Variants in GYS2 observed in about 807,000 individuals in gnomAD.
GYS2 encodes glycogen synthase 2, also known as glycogen [starch] synthase, liver.
In GYS2, 80 loss-of-function variants were observed where a neutral mutation model predicts 85.6. That is an observed-to-expected ratio of 0.93 (90% confidence interval 0.78 to 1.13). The LOEUF (loss-of-function observed/expected upper bound fraction) is 1.13. Ranked by LOEUF, GYS2 falls within the 50% of genes most tolerant of loss-of-function variation. The probability of loss-of-function intolerance (pLI) is 0.00; values close to 1 mark genes in which losing one functional copy is unlikely to be tolerated. For synonymous variants in GYS2, 328 were observed against 300.7 expected (o/e 1.09, Z -0.94); for missense variants, 881 against 854.9 (o/e 1.03, Z -0.38).
rs200876060 is a variant in GYS2 at position 21,580,351 on chromosome 12, A to G, written c.294T>C (p.His98=). 8.2e-5 allele frequency: 132 copies of G among 1,613,412 alleles called. No homozygotes were observed. The highest frequency in any genetic ancestry group is 1.1e-4 in the Non-Finnish European group (125 of 1,179,668). Residue 98 remains histidine (H), a synonymous_variant, in exon 2 of 16, where the codon CAT becomes CAC. Transcript: ENST00000261195. Reference sequence around the variant, plus strand: ...GTGTCAGTTCCTTTACCTGGCAGCCATGCTTATTCATTGCGTCCACTGCTC... The same window carrying G: ...GTGTCAGTTCCTTTACCTGGCAGCCGTGCTTATTCATTGCGTCCACTGCTC... ...VRRAVDAMNK[H]GCQVHFGRWL...
At chr12:21,564,303 C>T (rs1054400666) in intron 5 of GYS2, among the ~76,000 whole-genome samples, 8 of 152,002 alleles carry the variant, frequency 5.3e-5, no homozygotes, top group African/African-American at 1.2e-4. Context: ...TGGTGGTGTG[C>T]GCCTGTAGTC....
intron 2 of GYS2, among the ~76,000 whole-genome samples, chr12:21,577,081 G>A (rs1944454845): frequency 6.6e-6 from 1 of 152,124 alleles, no homozygotes; most frequent in Admixed American, 6.6e-5. Flanking sequence ...CATGTGTGGG[G>A]ATGCTTCTCA....
In GYS2 at chr12:21,597,853, A is replaced by G. The variant is rs55812724; in HGVS notation, c.121+6619T>C. On this transcript the variant is annotated intron_variant, in intron 1 of 15. Coordinates refer to ENST00000261195, the MANE Select transcript of GYS2 (RefSeq NM_021957.4). The stretch of plus-strand genomic sequence containing the variant: ...ATGTGGTGTATACACACAATTGAAT[A>G]TTATTCAACCATACAAATATAAAAT... 2.4e-3 allele frequency among the ~76,000 whole-genome samples: 365 copies of G among 152,298 alleles called. 3 individuals carry two copies. The highest frequency in any genetic ancestry group is 8.3e-3 in the African/African-American group (347 of 41,572).
rs1363490595 is a variant in GYS2 at position 21,580,355 on chromosome 12, T to A, written c.290A>T (p.Lys97Met). 2 of 1,613,528 alleles carry A rather than the reference T, an allele frequency of 1.2e-6. No homozygotes were observed. Among genetic ancestry groups the A allele is most frequent in the Non-Finnish European group, 1.7e-6 (2 of 1,179,710 alleles). The change falls in exon 2 of 16, where the codon AAG becomes ATG. Residue 97 changes from lysine to methionine, a missense_variant. By Grantham distance (95) the Lys-to-Met change is moderately conservative. Coordinates refer to ENST00000261195, the MANE Select transcript of GYS2 (RefSeq NM_021957.4). Reference protein sequence around the residue: ...AVRRAVDAMNKHGCQVHFGRW... With the variant: ...AVRRAVDAMNMHGCQVHFGRW... ...CAGTTCCTTTACCTGGCAGCCATGCTTATTCATTGCGTCCACTGCTCTTCT... is the reference window on the plus strand; with the variant it reads ...CAGTTCCTTTACCTGGCAGCCATGCATATTCATTGCGTCCACTGCTCTTCT...
chr12:21,542,438 G>A (rs1943989020), intron 13 of GYS2, 58 bp downstream of exon 13: 1 of 989,866 alleles, frequency 1.0e-6, no homozygotes, highest in Admixed American at 1.7e-5. Context: ...AAGACCCTGT[G>A]CTTTGTTTGG....
At position 21,563,055 on chromosome 12, in the gene GYS2, C is replaced by A; in HGVS notation, c.942-17G>T. The stretch of plus-strand genomic sequence containing the variant: ...TCGAGATGACTAAAACAAAACAAAA[C>A]CAAACAGTTTCAAATGAAATACAGC... On this transcript the variant is annotated splice_polypyrimidine_tract_variant and intron_variant, in intron 6 of 15. Coordinates refer to ENST00000261195, the MANE Select transcript of GYS2 (RefSeq NM_021957.4). The A allele has an allele frequency of 6.3e-7, 1 of 1,585,904 alleles. No homozygotes were observed. The highest frequency in any genetic ancestry group is 8.7e-7 in the Non-Finnish European group (1 of 1,154,924).
Position 21,537,342 on chromosome 12 carries a change from G to C in GYS2, c.1891-167C>G, listed in dbSNP as rs1225567918. 4.6e-6 allele frequency: 3 copies of C among 654,230 alleles called. No homozygotes were observed. In the African/African-American group the frequency reaches 5.4e-5, roughly 12 times the overall value. The allele number at this position is 654,230 out of a possible 1,614,324, so 40.5% of individuals were successfully genotyped here. A position where few individuals can be genotyped will look rare whatever the true frequency, so the allele number is the denominator to read the frequency against. ...GATTTTGATACCACCAATCTCAAGA[G>C]GGATTCATTCAATATATAGCTATTC... is the stretch of plus-strand genomic sequence containing the variant. On this transcript the variant is annotated intron_variant, in intron 15 of 15. Transcript: ENST00000261195.
rs1299389318 is a variant in GYS2 at position 21,536,917 on chromosome 12, T to C, written c.*37A>G. ...TTTTAAATAATTAGTCTTACTTTGC[T>C]TTTTTAAATTAGCTCTTCATGCAGC... On this transcript the variant is annotated 3_prime_UTR_variant, in exon 16 of 16. Coordinates refer to ENST00000261195, the MANE Select transcript of GYS2 (RefSeq NM_021957.4). 2 of 1,443,122 alleles carry C rather than the reference T, an allele frequency of 1.4e-6. No homozygotes were observed. Among genetic ancestry groups the C allele is most frequent in the Non-Finnish European group, 2.0e-6 (2 of 1,025,266 alleles). 89.4% of individuals were successfully genotyped at this position (1,443,122 alleles called of 1,614,324 possible). A position where few individuals can be genotyped will look rare whatever the true frequency, so the allele number is the denominator to read the frequency against.
At chr12:21,580,720 C>A (rs1944499410) in intron 1 of GYS2, among the ~76,000 whole-genome samples, 197 bp from the exon 2 acceptor site, 1 of 152,184 alleles carries the variant, frequency 6.6e-6, no homozygotes, top group Non-Finnish European at 1.5e-5. Flanking sequence ...TTGTTCAATT[C>A]TGTGCATGTT....
chr12:21,577,569 G>A (rs1056956198), intron 2 of GYS2, among the ~76,000 whole-genome samples: 1 of 152,134 alleles, frequency 6.6e-6, no homozygotes, highest in Non-Finnish European at 1.5e-5. Context: ...TAGTACAATA[G>A]GCATTGTTCT....
rs1308506191 is a variant in GYS2 at position 21,536,271 on chromosome 12, C to CCAAATTGACCAAAT, written c.*682_*683insATTTGGTCAATTTG. ...GAAGATTGACCAAATTTTAAAAAGGCTTTCTATTTAAACAATAGAAAAATG... is the reference window on the plus strand; with the variant it reads ...GAAGATTGACCAAATTTTAAAAAGGCCAAATTGACCAAATTTTCTATTTAAACAATAGAAAAATG... On this transcript the variant is annotated 3_prime_UTR_variant, in exon 16 of 16. Transcript: ENST00000261195. 6.6e-6 allele frequency: 1 copy of CCAAATTGACCAAAT among 152,170 alleles called. No homozygotes were observed. 9.4% of individuals were successfully genotyped at this position (152,170 alleles called of 1,614,324 possible).
intron 1 of GYS2, among the ~76,000 whole-genome samples, chr12:21,589,394 T>C (rs908097238): frequency 5.9e-5 from 9 of 152,238 alleles, no homozygotes; most frequent in African/African-American, 2.2e-4. Flanking sequence ...AATATGATTA[T>C]GCTCTTTCAG....
At chr12:21,595,310 G>A (rs1342525427) in intron 1 of GYS2, among the ~76,000 whole-genome samples, 4 of 152,178 alleles carry the variant, frequency 2.6e-5, no homozygotes, top group African/African-American at 9.7e-5. Context: ...TGCTCCTGCA[G>A]GACCCAGGAG....
At chr12:21,544,281 G>A (rs9669623) in intron 12 of GYS2, among the ~76,000 whole-genome samples, 3,556 of 152,178 alleles carry the variant, frequency 0.023, 143 homozygotes, top group African/African-American at 0.08. Context: ...ATTCACTATG[G>A]ACTATTCCAC....
Position 21,548,227 on chromosome 12 carries a change from C to A in GYS2, c.1423-1757G>T, listed in dbSNP as rs535419920. On this transcript the variant is annotated intron_variant, in intron 11 of 15. Transcript: ENST00000261195. ...AACATGGAGAAAATTTTTTTTTTGC[C>A]ACTCACAATGTACAGGTTACAGATC... Among the ~76,000 whole-genome samples the A allele has an allele frequency of 3.9e-5, 6 of 151,900 alleles. No homozygotes were observed. In the South Asian group the frequency reaches 1.2e-3, roughly 32 times the overall value.
chr12:21,562,115 G>A (rs4762707), intron 7 of GYS2, among the ~76,000 whole-genome samples: 110,196 of 152,008 alleles, frequency 0.72, 40,216 homozygotes, highest in South Asian at 0.79. Flanking sequence ...TGCATATTGT[G>A]TTGCTCGGTT....
At chr12:21,585,734 C>A (rs577004281) in intron 1 of GYS2, among the ~76,000 whole-genome samples, 14 of 152,270 alleles carry the variant, frequency 9.2e-5, no homozygotes, top group African/African-American at 3.1e-4. Context: ...GTTAAAAACA[C>A]CTTCGTGTCT....
intron 10 of GYS2, among the ~76,000 whole-genome samples, chr12:21,558,670 C>G (rs932499523): frequency 6.6e-6 from 1 of 152,152 alleles, no homozygotes; most frequent in Non-Finnish European, 1.5e-5. Context: ...GTATCTGATT[C>G]TTCCCTATTA....
chr12:21,536,055 CAT>C (rs1481323662), downstream of GYS2: 2 of 152,152 alleles, frequency 1.3e-5, no homozygotes, highest in Admixed American at 6.5e-5. Context: ...CTGCTTCCCA[CAT>C]GTTATTCGAA....
Sources: gnomAD v4.1 joint callset for allele counts (sites outside exome capture counted in the v4.1 genomes callset) on GRCh38, gnomAD v4.1.1 for gene constraint, MANE v1.5 for transcripts, NCBI Gene and HGNC (gene_info 2026-07-23, HGNC 2026-07-21) for gene names.